The following SHISA6 variants were observed in gnomAD, a reference collection of about 807,000 sequenced individuals.
SHISA6 encodes shisa family member 6.
SHISA6 carries 22 observed loss-of-function variants against 47.9 expected under a neutral mutation model. The observed-to-expected ratio is 0.46, with a 90% CI of 0.33 to 0.66. The LOEUF (loss-of-function observed/expected upper bound fraction) is 0.66, where lower values mean the gene tolerates loss of function less well. SHISA6 is among the 30% of genes least tolerant of loss of function. SHISA6 has a pLI of 0.02. For synonymous variants in SHISA6, 388 were observed against 337.8 expected (o/e 1.15, Z -1.63); for missense variants, 680 against 764.6 (o/e 0.89, Z 1.30).
chr17:11,267,662 A>G (rs1206225396), intron 2 of SHISA6, among the ~76,000 whole-genome samples: 1 of 152,204 alleles, frequency 6.6e-6, no homozygotes, highest in Non-Finnish European at 1.5e-5. Context: ...AAATAAGGAA[A>G]AGATTCTTTG....
intron 3 of SHISA6, among the ~76,000 whole-genome samples, chr17:11,532,153 A>T (rs2071739763): frequency 6.6e-6 from 1 of 152,194 alleles, no homozygotes. Flanking sequence ...GGAGTGACAC[A>T]TGTTGTCACT....
rs944435659 is a variant in SHISA6, at chr17:11,559,570, T to A, written c.*1266T>A. 1 of 152,816 alleles carries A rather than the reference T, an allele frequency of 6.5e-6. No homozygotes were observed. The highest frequency in any genetic ancestry group is 1.5e-5 in the Non-Finnish European group (1 of 68,494). 9.5% of individuals were successfully genotyped at this position (152,816 alleles called of 1,614,324 possible). On this transcript the variant is annotated 3_prime_UTR_variant, in exon 6 of 6. Transcript: ENST00000441885. This position sits in a 1 kb window ranked among gnomAD's most constrained non-coding sequence, Gnocchi z 4.4. ...ATCCTCCCTGCAACTTTATTCCTCC[T>A]AGCTGATCCTTCAGATCCGTGCCTC...
chr17:11,546,771 A>T (rs1567635777), intron 3 of SHISA6, among the ~76,000 whole-genome samples: 2 of 152,278 alleles, frequency 1.3e-5, no homozygotes, highest in African/African-American at 2.4e-5. Context: ...AATACAAAAA[A>T]TTAGCTGGAT....
At chr17:11,446,291 G>A (rs1242667429) in intron 3 of SHISA6, among the ~76,000 whole-genome samples, 1 of 152,118 alleles carries the variant, frequency 6.6e-6, no homozygotes, top group Non-Finnish European at 1.5e-5. Flanking sequence ...GTAGTCCCAT[G>A]ACTCTACATG....
At chr17:11,326,902 G>A (rs6502141) in intron 2 of SHISA6, among the ~76,000 whole-genome samples, 27,695 of 152,154 alleles carry the variant, frequency 0.18, 2,613 homozygotes, top group Middle Eastern at 0.24. Flanking sequence ...CAGCAACGTA[G>A]GACTTCAGGG....
chr17:11,300,170 A>G (rs2142176621), intron 2 of SHISA6, among the ~76,000 whole-genome samples: 1 of 151,874 alleles, frequency 6.6e-6, no homozygotes, highest in East Asian at 1.9e-4. Flanking sequence ...AAAAAAGAAA[A>G]ACAAGAAAAA....
intron 2 of SHISA6, among the ~76,000 whole-genome samples, chr17:11,374,013 C>A (rs1425488583): frequency 6.6e-6 from 1 of 152,162 alleles, no homozygotes; most frequent in East Asian, 1.9e-4. Flanking sequence ...GATTTACACT[C>A]CCAGAAAGGT....
intron 3 of SHISA6, among the ~76,000 whole-genome samples, chr17:11,516,998 T>G (rs1375439113): frequency 2.0e-5 from 3 of 152,220 alleles, no homozygotes; most frequent in Non-Finnish European, 2.9e-5. Flanking sequence ...GTACCCCTGG[T>G]AGAAGTCTAG....
intron 3 of SHISA6, among the ~76,000 whole-genome samples, chr17:11,407,304 A>C (rs1430392917): frequency 6.6e-6 from 1 of 152,028 alleles, no homozygotes; most frequent in African/African-American, 2.4e-5. Context: ...CAGGTAGATT[A>C]GGAGCTCCAG....
intron 3 of SHISA6, among the ~76,000 whole-genome samples, chr17:11,521,466 T>A (rs1024366060): frequency 3.3e-5 from 5 of 152,162 alleles, no homozygotes; most frequent in African/African-American, 1.2e-4. Flanking sequence ...TTCATTGTGA[T>A]GGCCACCTAT....
At chr17:11,244,531 C>T (rs1262042754) in intron 1 of SHISA6, among the ~76,000 whole-genome samples, 4 of 152,160 alleles carry the variant, frequency 2.6e-5, no homozygotes, top group Non-Finnish European at 4.4e-5. Flanking sequence ...GACTACACCA[C>T]TCTTCTCACT....
At chr17:11,397,393 C>CTGTGTG (rs1287850804) in intron 3 of SHISA6, among the ~76,000 whole-genome samples, 1 of 49,536 alleles carries the variant, frequency 2.0e-5, no homozygotes, top group African/African-American at 9.8e-5. Context: ...TCTTACCTGC[C>CTGTGTG]TCTGTGTGTG....
chr17:11,304,320 G>T (rs919028028), intron 2 of SHISA6, among the ~76,000 whole-genome samples: 4 of 152,186 alleles, frequency 2.6e-5, no homozygotes, highest in African/African-American at 9.7e-5. Context: ...GCAGAGGGAG[G>T]ATGATCACAC....
intron 2 of SHISA6, among the ~76,000 whole-genome samples, chr17:11,351,007 T>C (rs948810589): frequency 6.6e-6 from 1 of 152,134 alleles, no homozygotes; most frequent in East Asian, 1.9e-4. Context: ...TGGATGAAGC[T>C]GGAAACCATC....
In SHISA6 at chr17:11,557,962, C is replaced by A. The variant is rs1055504698; in HGVS notation, c.1314C>A (p.Asp438Glu). 1 of 1,551,528 alleles carries A rather than the reference C, an allele frequency of 6.4e-7. No individual in the cohort carries two copies. Among genetic ancestry groups the A allele is most frequent in the Non-Finnish European group, 8.7e-7 (1 of 1,146,924 alleles). The change falls in exon 6 of 6, where the codon GAC becomes GAA. Residue 438 changes from aspartate to glutamate, a missense_variant. Physicochemically the swap from Asp to Glu is conservative, Grantham distance 45. This residue lies in a region of SHISA6 where 559 missense variants were observed against 674.1 expected (regional missense o/e 0.83). Coordinates refer to ENST00000441885, the MANE Select transcript of SHISA6 (RefSeq NM_207386.4). ...CAGATGAGTTCAGCATGCCCTACGA[C>A]CGCATCCTGTCCGACGAGCAGCTGC... ...GLPDEFSMPY[D>E]RILSDEQLLS...
intron 3 of SHISA6, among the ~76,000 whole-genome samples, chr17:11,473,235 A>G (rs1230355122): frequency 1.3e-5 from 2 of 152,284 alleles, no homozygotes; most frequent in African/African-American, 4.8e-5. Context: ...GCCATACCCA[A>G]GGTCATCTAG....
intron 3 of SHISA6, among the ~76,000 whole-genome samples, chr17:11,541,426 A>G (rs986724641): frequency 6.6e-6 from 1 of 152,234 alleles, no homozygotes; most frequent in African/African-American, 2.4e-5. Flanking sequence ...AGGCAGAGGA[A>G]GCCACTGAGC....
chr17:11,293,839 G>A (rs534083766), intron 2 of SHISA6, among the ~76,000 whole-genome samples: 15 of 152,210 alleles, frequency 9.9e-5, no homozygotes, highest in East Asian at 5.8e-4. Flanking sequence ...TGCGCAGTTC[G>A]AATAAATTAT....
chr17:11,556,494 G>A (rs1363512185), intron 5 of SHISA6, among the ~76,000 whole-genome samples: 2 of 152,206 alleles, frequency 1.3e-5, no homozygotes, highest in East Asian at 3.9e-4. Flanking sequence ...CTAAAGGACA[G>A]CTCTTCCTCC....
Sources: allele counts gnomAD v4.1 joint callset (sites outside exome capture counted in the v4.1 genomes callset), GRCh38; gene constraint gnomAD v4.1.1; regional missense constraint gnomAD v4.1.1; non-coding constraint Gnocchi (gnomAD v3.1); transcripts MANE v1.5; gene names NCBI Gene and HGNC (gene_info 2026-07-23, HGNC 2026-07-21).